Variants in ZSWIM5 observed in about 807,000 individuals in gnomAD.
ZSWIM5 encodes the protein zinc finger SWIM domain-containing protein 5.
Under a neutral mutation model 119.6 loss-of-function variants are expected in ZSWIM5, and 55 were observed. The ratio of observed to expected loss-of-function variants is 0.46; its 90% confidence interval spans 0.37 to 0.58. ZSWIM5 has a LOEUF of 0.58. Among genes scored for constraint, ZSWIM5 ranks in the 20% least tolerant of loss-of-function variants. The pLI is 0.00. For missense variants in ZSWIM5, 1,193 were observed against 1,512.8 expected, an observed-to-expected ratio of 0.79 and a Z score of 3.51; for synonymous variants, 537 against 606.9, an observed-to-expected ratio of 0.88 and a Z score of 1.69.
At chr1:45,050,923 G>T (rs1426848638) in intron 5 of ZSWIM5, 151 bp downstream of exon 5, 13 of 744,344 alleles carry the variant, frequency 1.7e-5, no homozygotes, top group Non-Finnish European at 2.6e-5. Flanking sequence ...TTAAGGTTCG[G>T]CATTTCAAGA....
At chr1:45,049,799 A>G (rs1570026582) in intron 5 of ZSWIM5, among the ~76,000 whole-genome samples, 1 of 151,368 alleles carries the variant, frequency 6.6e-6, no homozygotes, top group Non-Finnish European at 1.5e-5. Context: ...GGGCAACAGA[A>G]CAAAGCATGT....
chr1:45,044,804 A>C (rs189995560), intron 5 of ZSWIM5, among the ~76,000 whole-genome samples: 391 of 2,352 alleles, frequency 0.17, 149 homozygotes, highest in African/African-American at 0.43. Flanking sequence ...TATATATATA[A>C]ATATATATAT....
At chr1:45,120,231 C>T (rs1186678815) in intron 1 of ZSWIM5, among the ~76,000 whole-genome samples, 1 of 152,178 alleles carries the variant, frequency 6.6e-6, no homozygotes, top group Non-Finnish European at 1.5e-5. Flanking sequence ...GTAGTCTCAG[C>T]TACTCGAGAG....
intron 1 of ZSWIM5, among the ~76,000 whole-genome samples, chr1:45,117,591 G>C (rs1645566092): frequency 6.6e-6 from 1 of 152,154 alleles, no homozygotes; most frequent in South Asian, 2.1e-4. Context: ...AGGATGGCTT[G>C]AGCCTGGGAG....
chr1:45,172,698 A>G (rs1334716868), intron 1 of ZSWIM5, among the ~76,000 whole-genome samples: 2 of 152,140 alleles, frequency 1.3e-5, no homozygotes, highest in African/African-American at 4.8e-5. Context: ...GGAACTACAA[A>G]GATTGCTATA....
At chr1:45,159,162 A>C (rs1645848243) in intron 1 of ZSWIM5, among the ~76,000 whole-genome samples, 1 of 152,194 alleles carries the variant, frequency 6.6e-6, no homozygotes, top group Non-Finnish European at 1.5e-5. Context: ...TTAAGCAACT[A>C]AGTTATACTA....
In ZSWIM5 at chr1:45,206,405, A is replaced by AGACCCT; in HGVS notation, c.-61_-56dup. 7.5e-7 allele frequency: 1 copy of AGACCCT among 1,340,326 alleles called. No homozygotes were observed. Among genetic ancestry groups the AGACCCT allele is most frequent in the Non-Finnish European group, 9.5e-7 (1 of 1,049,274 alleles). 83.0% of individuals were successfully genotyped at this position (1,340,326 alleles called of 1,614,324 possible). A position where few individuals can be genotyped will look rare whatever the true frequency, so the allele number is the denominator to read the frequency against. ...GCGGCGGCTGCTCGGGCTGCGGCGG[A>AGACCCT]GACCCTGGCCACGGCCACGCGCCCC... On this transcript the variant is annotated 5_prime_UTR_variant, in exon 1 of 14. Coordinates refer to ENST00000359600, the MANE Select transcript of ZSWIM5 (RefSeq NM_020883.2).
chr1:45,135,140 A>G (rs908114313), intron 1 of ZSWIM5, among the ~76,000 whole-genome samples: 1 of 124,456 alleles, frequency 8.0e-6, no homozygotes, highest in Non-Finnish European at 1.7e-5. Context: ...TTTTTTTTTG[A>G]GGAACCTTCA....
intron 4 of ZSWIM5, among the ~76,000 whole-genome samples, chr1:45,054,696 A>G (rs2148998647): frequency 6.6e-6 from 1 of 152,350 alleles, no homozygotes; most frequent in Admixed American, 6.5e-5. Flanking sequence ...AATAATAGCT[A>G]TCACTGATTT....
intron 8 of ZSWIM5, among the ~76,000 whole-genome samples, chr1:45,036,897 C>G (rs1644988207): frequency 6.6e-6 from 1 of 152,084 alleles, no homozygotes; most frequent in Admixed American, 6.6e-5. Flanking sequence ...CTCTTGGGCT[C>G]AAGCGACCCT....
At chr1:45,110,013 C>T (rs1172714411) in intron 1 of ZSWIM5, among the ~76,000 whole-genome samples, 1 of 152,036 alleles carries the variant, frequency 6.6e-6, no homozygotes, top group East Asian at 1.9e-4. Flanking sequence ...CACAGATGCA[C>T]ACCACCACAC....
chr1:45,051,051 GC>G, intron 5 of ZSWIM5, 22 bp downstream of exon 5: 10 of 1,604,902 alleles, frequency 6.2e-6, no homozygotes, highest in African/African-American at 1.3e-5. Flanking sequence ...GGTACAAAGA[GC>G]CTAAAAGGAC....
At chr1:45,026,406 A>AG (rs1644921026) in intron 11 of ZSWIM5, among the ~76,000 whole-genome samples, 1 of 150,790 alleles carries the variant, frequency 6.6e-6, no homozygotes, top group Admixed American at 6.7e-5. Context: ...TAGTTTGCTA[A>AG]GGGTTTTTTT....
At chr1:45,069,704 A>G (rs1485766593) in intron 2 of ZSWIM5, among the ~76,000 whole-genome samples, 1 of 152,168 alleles carries the variant, frequency 6.6e-6, no homozygotes, top group African/African-American at 2.4e-5. Flanking sequence ...ATTTTCTTTA[A>G]GAAATGAAAA....
rs1405468934 is a variant in ZSWIM5, at chr1:45,018,190, G to A, written c.*264C>T. On this transcript the variant is annotated 3_prime_UTR_variant, in exon 14 of 14. Coordinates refer to ENST00000359600, the MANE Select transcript of ZSWIM5 (RefSeq NM_020883.2). The surrounding 1 kb of genome is among the most constrained non-coding windows in gnomAD (Gnocchi z 6.7). Reference sequence around the variant, plus strand: ...CAATGCTCAGGACACGCAGGATATAGGGGCATGAGGTGGCATGTTGTGGGG... The same window carrying A: ...CAATGCTCAGGACACGCAGGATATAAGGGCATGAGGTGGCATGTTGTGGGG... 5.6e-6 allele frequency: 3 copies of A among 534,338 alleles called. No homozygotes were observed. Among genetic ancestry groups the A allele is most frequent in the Non-Finnish European group, 1.0e-5 (3 of 297,792 alleles). The allele number at this position is 534,338 out of a possible 1,614,324, so 33.1% of individuals were successfully genotyped here.
chr1:45,180,368 G>T (rs565696157), intron 1 of ZSWIM5, among the ~76,000 whole-genome samples: 1 of 152,182 alleles, frequency 6.6e-6, no homozygotes, highest in Non-Finnish European at 1.5e-5. Context: ...AGGCAGCAGC[G>T]AGGCTGGGGG....
At position 45,189,993 on chromosome 1, in the gene ZSWIM5, C is replaced by A. The variant is rs866983561; in HGVS notation, c.595+15763G>T. Among the ~76,000 whole-genome samples the A allele has an allele frequency of 6.6e-5, 10 of 152,148 alleles. No individual in the cohort carries two copies. In the South Asian group the frequency reaches 1.5e-3, roughly 22 times the overall value. ...AACGCAGTGGGCAAGGCCTGAGAAACGTCACAGTAACTAGGCTCAGGCTTT... is the reference window on the plus strand; with the variant it reads ...AACGCAGTGGGCAAGGCCTGAGAAAAGTCACAGTAACTAGGCTCAGGCTTT... On this transcript the variant is annotated intron_variant, in intron 1 of 13. Coordinates refer to ENST00000359600, the MANE Select transcript of ZSWIM5 (RefSeq NM_020883.2).
Position 45,206,381 on chromosome 1 carries a change from C to T in ZSWIM5, c.-31G>A. The T allele has an allele frequency of 7.4e-7, 1 of 1,355,534 alleles. No individual in the cohort carries two copies. Among genetic ancestry groups the T allele is most frequent in the South Asian group, 1.7e-5 (1 of 57,206 alleles). 84.0% of individuals were successfully genotyped at this position (1,355,534 alleles called of 1,614,324 possible). On this transcript the variant is annotated 5_prime_UTR_variant, in exon 1 of 14. Transcript: ENST00000359600. ...GGGACTGACTGACTGACTGAGGCGG[C>T]GGCGGCTGCTCGGGCTGCGGCGGAG... is the stretch of plus-strand genomic sequence containing the variant.
At chr1:45,039,649 T>C (rs1645007474) in intron 7 of ZSWIM5, among the ~76,000 whole-genome samples, 1 of 152,078 alleles carries the variant, frequency 6.6e-6, no homozygotes, top group Non-Finnish European at 1.5e-5. Flanking sequence ...CCTACCAAAG[T>C]CCTGGGATTA....
Sources: gnomAD v4.1 joint callset for allele counts (sites outside exome capture counted in the v4.1 genomes callset) on GRCh38, gnomAD v4.1.1 for gene constraint, Gnocchi (gnomAD v3.1) non-coding constraint, MANE v1.5 for transcripts, NCBI Gene and HGNC (gene_info 2026-07-23, HGNC 2026-07-21) for gene names.